MFHAS1: variants seen among roughly 807,000 people sequenced by gnomAD.
The protein encoded by MFHAS1 is malignant fibrous histiocytoma-amplified sequence 1.
In MFHAS1, 50 loss-of-function variants were observed where a neutral mutation model predicts 70.4. The ratio of observed to expected loss-of-function variants is 0.71; its 90% CI spans 0.57 to 0.90. The LOEUF (loss-of-function observed/expected upper bound fraction) is 0.90. Among genes scored for constraint, MFHAS1 ranks in the 40% least tolerant of loss-of-function variants. MFHAS1 has a pLI of 0.00. For synonymous variants in MFHAS1, 952 were observed against 620.0 expected (o/e 1.54, Z -7.96); for missense variants, 1,795 against 1,347.6 (o/e 1.33, Z -5.20).
intron 1 of MFHAS1, among the ~76,000 whole-genome samples, chr8:8,834,698 A>G (rs555248316): frequency 6.6e-6 from 1 of 152,350 alleles, no homozygotes; most frequent in South Asian, 2.1e-4. Flanking sequence ...GCCTAATGAC[A>G]CATTTCTCAG....
At chr8:8,824,519 TTTCACACACACA>T (rs1187721833) in intron 1 of MFHAS1, among the ~76,000 whole-genome samples, 9 of 102,520 alleles carry the variant, frequency 8.8e-5, no homozygotes, top group African/African-American at 3.8e-4. Flanking sequence ...TTTCTCTCTC[TTTCACACACACA>T]CACACACACA....
At chr8:8,789,831 CCT>C (rs1421032708) in intron 2 of MFHAS1, among the ~76,000 whole-genome samples, 4 of 152,146 alleles carry the variant, frequency 2.6e-5, no homozygotes, top group African/African-American at 9.7e-5. Context: ...CCTAATCACC[CCT>C]GAGCCAGGTG....
chr8:8,863,358 C>A (rs1808738161), intron 1 of MFHAS1, among the ~76,000 whole-genome samples: 2 of 152,182 alleles, frequency 1.3e-5, no homozygotes, highest in Non-Finnish European at 2.9e-5. Context: ...TGCTGTTACT[C>A]CCTCCATTCC....
rs150651778 is a variant in MFHAS1, at chr8:8,890,947, G to C, written c.2112C>G (p.Leu704=). 6.8e-6 allele frequency: 11 copies of C among 1,614,082 alleles called. No homozygotes were observed. Among genetic ancestry groups the C allele is most frequent in the Non-Finnish European group, 9.3e-6 (11 of 1,180,040 alleles). ...GCTTGCCGCTCTCATGCAGGTAGGA[G>C]AGGGCACTCTGCAGTCGGTCCTCGG... The part of the protein sequence containing the change: ...GLTEDRLQSA[L]SYLHESGKLL... Residue 704 remains leucine, a synonymous_variant, in exon 1 of 3, where the codon CTC becomes CTG. Coordinates refer to ENST00000276282, the MANE Select transcript of MFHAS1 (RefSeq NM_004225.3).
chr8:8,877,649 C>G (rs182817834), intron 1 of MFHAS1, among the ~76,000 whole-genome samples: 1 of 152,284 alleles, frequency 6.6e-6, no homozygotes, highest in African/African-American at 2.4e-5. Flanking sequence ...CATGGCTCTG[C>G]AGAGCAGGTG....
At chr8:8,790,553 G>T in intron 2 of MFHAS1, 1 of 186,578 alleles carries the variant, frequency 5.4e-6, no homozygotes, top group Non-Finnish European at 1.0e-5. Context: ...CTCACTCCTT[G>T]CATAGAACAA....
Position 8,801,041 on chromosome 8 carries a change from C to G in MFHAS1, c.2999-3550G>C, listed in dbSNP as rs529433614. Among the ~76,000 whole-genome samples, 195 of 152,146 alleles carry G rather than the reference C, an allele frequency of 1.3e-3. 1 individual carries two copies. Among genetic ancestry groups the G allele is most frequent in the African/African-American group, 4.4e-3 (182 of 41,496 alleles). On this transcript the variant is annotated intron_variant, in intron 1 of 2. Coordinates refer to ENST00000276282, the MANE Select transcript of MFHAS1 (RefSeq NM_004225.3). Reference sequence around the variant, plus strand: ...CTATCCTGGCCAACATGGTAAAACCCCGCCTCTACTAAAAATATAAAAAAT... The same window carrying G: ...CTATCCTGGCCAACATGGTAAAACCGCGCCTCTACTAAAAATATAAAAAAT...
chr8:8,820,395 A>G (rs1441922518), intron 1 of MFHAS1, among the ~76,000 whole-genome samples: 1 of 152,178 alleles, frequency 6.6e-6, no homozygotes, highest in Non-Finnish European at 1.5e-5. Flanking sequence ...TCTTCCAAGC[A>G]GAATCAAGCC....
At chr8:8,817,934 G>A (rs975221799) in intron 1 of MFHAS1, among the ~76,000 whole-genome samples, 24 of 152,176 alleles carry the variant, frequency 1.6e-4, no homozygotes, top group African/African-American at 5.6e-4. Flanking sequence ...CTCCTGCCCT[G>A]CAGCCCAGTT....
intron 1 of MFHAS1, among the ~76,000 whole-genome samples, chr8:8,877,112 C>T (rs1220238495): frequency 6.6e-6 from 1 of 151,738 alleles, no homozygotes; most frequent in Non-Finnish European, 1.5e-5. Flanking sequence ...CCAGCCCAGG[C>T]AACGTGGCAA....
intron 1 of MFHAS1, among the ~76,000 whole-genome samples, chr8:8,875,546 T>C (rs753269131): frequency 6.6e-6 from 1 of 152,198 alleles, no homozygotes; most frequent in Non-Finnish European, 1.5e-5. Context: ...GTGTAGTGAT[T>C]ACTTTAGATA....
intron 1 of MFHAS1, among the ~76,000 whole-genome samples, chr8:8,843,002 ACGCCTG>A (rs1185419250): frequency 6.6e-6 from 1 of 151,672 alleles, no homozygotes; most frequent in Admixed American, 6.6e-5. Flanking sequence ...GCGGTGGCTC[ACGCCTG>A]TAATCCCAGC....
At chr8:8,822,325 C>T (rs191966557) in intron 1 of MFHAS1, among the ~76,000 whole-genome samples, 108 of 152,246 alleles carry the variant, frequency 7.1e-4, no homozygotes, top group African/African-American at 2.5e-3. Context: ...GAAAATGGAG[C>T]GAGTCCTCAG....
At chr8:8,798,080 C>G (rs540544387) in intron 1 of MFHAS1, among the ~76,000 whole-genome samples, 1 of 152,152 alleles carries the variant, frequency 6.6e-6, no homozygotes, top group Non-Finnish European at 1.5e-5. Context: ...ACGAGTCTAG[C>G]AAAAACACAT....
At chr8:8,865,673 G>C (rs1405782520) in intron 1 of MFHAS1, among the ~76,000 whole-genome samples, 1 of 152,198 alleles carries the variant, frequency 6.6e-6, no homozygotes, top group Non-Finnish European at 1.5e-5. Context: ...CTCAAGGTGA[G>C]GCTCCTATAA....
chr8:8,830,197 G>A (rs1222732964), intron 1 of MFHAS1, among the ~76,000 whole-genome samples: 1 of 152,150 alleles, frequency 6.6e-6, no homozygotes, highest in African/African-American at 2.4e-5. Context: ...GAGAAAGCAT[G>A]GCTTCGAGTT....
intron 1 of MFHAS1, among the ~76,000 whole-genome samples, chr8:8,871,840 A>G (rs895382109): frequency 6.6e-6 from 1 of 152,212 alleles, no homozygotes; most frequent in Non-Finnish European, 1.5e-5. Context: ...TGCTGATAAA[A>G]GATGCAAGGC....
chr8:8,812,459 A>G (rs895932625), intron 1 of MFHAS1, among the ~76,000 whole-genome samples: 12 of 152,136 alleles, frequency 7.9e-5, no homozygotes, highest in African/African-American at 2.7e-4. Context: ...CCCTCCTGGC[A>G]CCACAGCCTG....
intron 1 of MFHAS1, among the ~76,000 whole-genome samples, chr8:8,855,799 T>C (rs991954874): frequency 1.3e-5 from 2 of 152,118 alleles, no homozygotes; most frequent in Non-Finnish European, 2.9e-5. Flanking sequence ...GAGGTTGCAG[T>C]GAGCCGAGAT....
Sources: allele counts gnomAD v4.1 joint callset (sites outside exome capture counted in the v4.1 genomes callset), GRCh38; gene constraint gnomAD v4.1.1; transcripts MANE v1.5; gene names NCBI Gene and HGNC (gene_info 2026-07-23, HGNC 2026-07-21).